The following PTPRZ1 variants were observed in gnomAD, a reference collection of about 807,000 sequenced individuals.
PTPRZ1 encodes receptor-type tyrosine-protein phosphatase zeta.
In PTPRZ1, 82 loss-of-function variants were observed where a neutral mutation model predicts 214.1. That is an observed-to-expected ratio of 0.38 (90% CI 0.32 to 0.46). The LOEUF (loss-of-function observed/expected upper bound fraction) is 0.46, where lower values mean the gene tolerates loss of function less well. Among genes scored for constraint, PTPRZ1 ranks in the 20% least tolerant of loss-of-function variants. The probability of loss-of-function intolerance (pLI) is 1.00; values close to 1 mark genes in which losing one functional copy is unlikely to be tolerated. For synonymous variants in PTPRZ1, 945 were observed against 987.9 expected, an observed-to-expected ratio of 0.96 and a Z score of 0.81; for missense variants, 2,603 against 2,748.7, an observed-to-expected ratio of 0.95 and a Z score of 1.19.
intron 2 of PTPRZ1, among the ~76,000 whole-genome samples, chr7:121,955,221 C>T (rs1410159801): frequency 1.3e-5 from 2 of 152,168 alleles, no homozygotes; most frequent in Non-Finnish European, 2.9e-5. Flanking sequence ...GAGTACAGCC[C>T]TGATGGTAGT....
At chr7:121,878,056 A>G (rs2191782) in intron 1 of PTPRZ1, among the ~76,000 whole-genome samples, 88,361 of 151,540 alleles carry the variant, frequency 0.58, 27,486 homozygotes, top group African/African-American at 0.81. Context: ...GTAACTTCAG[A>G]TTACAAAAGG....
At chr7:122,055,888 A>T (rs1792335603) in intron 27 of PTPRZ1, among the ~76,000 whole-genome samples, 1 of 151,882 alleles carries the variant, frequency 6.6e-6, no homozygotes, top group African/African-American at 2.4e-5. Context: ...TATATGGTAT[A>T]CAAGAAGATT....
intron 1 of PTPRZ1, among the ~76,000 whole-genome samples, chr7:121,906,454 A>G (rs1016801943): frequency 6.6e-6 from 1 of 152,162 alleles, no homozygotes; most frequent in Non-Finnish European, 1.5e-5. Context: ...TTTTCATCAA[A>G]TGTTATAAAT....
chr7:122,022,987 A>T (rs1799063836), intron 13 of PTPRZ1, among the ~76,000 whole-genome samples: 1 of 152,182 alleles, frequency 6.6e-6, no homozygotes, highest in African/African-American at 2.4e-5. Flanking sequence ...TCCTTCCAAC[A>T]GATGGTGCTA....
chr7:121,909,000 A>C (rs755665072), intron 1 of PTPRZ1: 7 of 513,422 alleles, frequency 1.4e-5, no homozygotes, highest in Admixed American at 2.0e-5. Context: ...ATTATTTCTG[A>C]TTATTCGATG....
chr7:121,978,811 A>G (rs1797518137), intron 6 of PTPRZ1, among the ~76,000 whole-genome samples: 1 of 152,218 alleles, frequency 6.6e-6, no homozygotes, highest in South Asian at 2.1e-4. Flanking sequence ...AGCAAGGACA[A>G]CTACCCAAAC....
intron 23 of PTPRZ1, among the ~76,000 whole-genome samples, chr7:122,045,568 A>G (rs1799865498): frequency 6.6e-6 from 1 of 152,098 alleles, no homozygotes; most frequent in Non-Finnish European, 1.5e-5. Context: ...ATCCAAGCTT[A>G]TCTCAGTCAT....
chr7:121,932,221 A>G (rs1795946483), intron 2 of PTPRZ1, among the ~76,000 whole-genome samples: 3 of 152,334 alleles, frequency 2.0e-5, no homozygotes, highest in Admixed American at 2.0e-4. Context: ...AATGTATTTC[A>G]CCCAAGCAAA....
chr7:121,876,449 T>A (rs960539), intron 1 of PTPRZ1, among the ~76,000 whole-genome samples: 88,055 of 152,006 alleles, frequency 0.58, 27,082 homozygotes, highest in African/African-American at 0.79. Flanking sequence ...TCAGATTCTG[T>A]ACTTCTCAGT....
intron 2 of PTPRZ1, among the ~76,000 whole-genome samples, chr7:121,952,384 G>T (rs1251115962): frequency 6.6e-6 from 1 of 152,048 alleles, no homozygotes; most frequent in Non-Finnish European, 1.5e-5. Context: ...AGAAGTAGAA[G>T]ACCATCCTGG....
At chr7:122,042,499 G>A (rs1287984985) in intron 21 of PTPRZ1, 109 bp from the exon 22 acceptor site, 14 of 1,109,280 alleles carry the variant, frequency 1.3e-5, no homozygotes, top group Middle Eastern at 3.0e-4. Context: ...TGGCTCACTC[G>A]CTTGAAGAAG....
rs1470879668 is a variant in PTPRZ1, at chr7:122,031,528, A to C, written c.5135A>C (p.His1712Pro). 6.2e-7 allele frequency: 1 copy of C among 1,610,708 alleles called. No individual in the cohort carries two copies. Among genetic ancestry groups the C allele is most frequent in the East Asian group, 2.2e-5 (1 of 44,688 alleles). The change falls in exon 15 of 30, where the codon CAT becomes CCT. Residue 1712 changes from histidine (H) to proline (P), a missense_variant. His to Pro is a moderately conservative substitution (Grantham distance 77). Around this residue, in one of 6 missense-constraint regions of PTPRZ1, gnomAD observed 1,913 missense variants for 1,914.3 expected, o/e 1.00. Coordinates refer to ENST00000393386, the MANE Select transcript of PTPRZ1 (RefSeq NM_002851.3). ...TTTCCAAAGCATGTTGCAGATTTACATGCAAGTAGTGGGTTTACTGAAGAA... is the reference window on the plus strand; with the variant it reads ...TTTCCAAAGCATGTTGCAGATTTACCTGCAAGTAGTGGGTTTACTGAAGAA... ...KHFPKHVADL[H>P]ASSGFTEEFE...
At chr7:122,013,910 A>G in intron 12 of PTPRZ1, 21 bp downstream of exon 12, 1 of 1,560,156 alleles carries the variant, frequency 6.4e-7, no homozygotes, top group Non-Finnish European at 8.7e-7. Flanking sequence ...GATCAGAAGG[A>G]CAGATTGAGG....
In PTPRZ1 at chr7:121,997,279, G is replaced by T. The variant is rs190856279; in HGVS notation, c.1114-601G>T. ...CACTCAGGCACCTAGAGTCCTGCAA[G>T]TCCTGGGAACCTGCATTTAAATAAA... is the stretch of plus-strand genomic sequence containing the variant. On this transcript the variant is annotated intron_variant, in intron 9 of 29. Transcript: ENST00000393386. Among the ~76,000 whole-genome samples the T allele has an allele frequency of 2.3e-3, 344 of 152,258 alleles. 1 individual carries two copies. The highest frequency in any genetic ancestry group is 8.0e-3 in the African/African-American group (334 of 41,548).
intron 1 of PTPRZ1, among the ~76,000 whole-genome samples, chr7:121,922,112 G>T (rs1476742769): frequency 6.6e-6 from 1 of 152,284 alleles, no homozygotes; most frequent in Admixed American, 6.5e-5. Context: ...TACTTGGAAA[G>T]TTTGTCTTAG....
At chr7:122,041,338 G>GTTGAAAA (rs1554368740) in intron 21 of PTPRZ1, among the ~76,000 whole-genome samples, 1 of 152,024 alleles carries the variant, frequency 6.6e-6, no homozygotes, top group Non-Finnish European at 1.5e-5. Context: ...TACAACCCCT[G>GTTGAAAA]TCCCTAGGAG....
intron 11 of PTPRZ1, among the ~76,000 whole-genome samples, chr7:122,005,031 G>T (rs1253129485): frequency 6.6e-6 from 1 of 151,880 alleles, no homozygotes; most frequent in Non-Finnish European, 1.5e-5. Flanking sequence ...ACATTCTACA[G>T]TTTATATATA....
At chr7:122,054,652 A>G (rs1033293730) in intron 26 of PTPRZ1, among the ~76,000 whole-genome samples, 6 of 152,126 alleles carry the variant, frequency 3.9e-5, no homozygotes, top group Non-Finnish European at 8.8e-5. Context: ...TCTTAAAATC[A>G]CTTGAATCTT....
intron 2 of PTPRZ1, among the ~76,000 whole-genome samples, chr7:121,945,730 A>G (rs1319196989): frequency 6.6e-6 from 1 of 152,192 alleles, no homozygotes; most frequent in Non-Finnish European, 1.5e-5. Context: ...CACACCCTAG[A>G]GACAGTGTGC....
Sources: allele counts gnomAD v4.1 joint callset (sites outside exome capture counted in the v4.1 genomes callset), GRCh38; gene constraint gnomAD v4.1.1; regional missense constraint gnomAD v4.1.1; transcripts MANE v1.5; gene names NCBI Gene and HGNC (gene_info 2026-07-23, HGNC 2026-07-21).